The following CNTNAP2 variants were observed in gnomAD, a reference collection of about 807,000 sequenced individuals.
CNTNAP2 encodes the protein contactin-associated protein-like 2.
CNTNAP2 carries 98 observed loss-of-function variants against 155.2 expected under a neutral mutation model. The ratio of observed to expected loss-of-function variants is 0.63; its 90% confidence interval spans 0.54 to 0.75. CNTNAP2 has a LOEUF of 0.75. Ranked by LOEUF, CNTNAP2 falls within the 30% of genes least tolerant of loss-of-function variation. The probability of loss-of-function intolerance (pLI) is 0.00; values close to 1 mark genes in which losing one functional copy is unlikely to be tolerated. For synonymous variants in CNTNAP2, 651 were observed against 631.2 expected, an observed-to-expected ratio of 1.03 and a Z score of -0.47; for missense variants, 1,727 against 1,688.1, an observed-to-expected ratio of 1.02 and a Z score of -0.40.
At chr7:147,012,796 T>C (rs1309634290) in intron 3 of CNTNAP2, among the ~76,000 whole-genome samples, 9 of 152,044 alleles carry the variant, frequency 5.9e-5, no homozygotes, top group Non-Finnish European at 1.3e-4. Flanking sequence ...TTAGAAATAA[T>C]AAGAGCAGAG....
rs73740886 is a variant in CNTNAP2, at chr7:146,850,762, A to G, written c.402+10858A>G. Among the ~76,000 whole-genome samples the G allele has an allele frequency of 2.0e-5, 3 of 152,178 alleles. No individual in the cohort carries two copies. The East Asian group carries it at 5.8e-4, about 29-fold the overall frequency. ...TCACATTTCCTGTTTTAAGGAACAT[A>G]CCCGCAAAATAAAATACAAATAAAA... On this transcript the variant is annotated intron_variant, in intron 3 of 23. Transcript: ENST00000361727.
At chr7:146,224,862 G>T (rs117378717) in intron 1 of CNTNAP2, among the ~76,000 whole-genome samples, 1,749 of 152,250 alleles carry the variant, frequency 0.011, 19 homozygotes, top group Non-Finnish European at 0.018. Context: ...ATTAACAGAT[G>T]TGAAATAATT....
At chr7:146,478,207 A>G (rs971112978) in intron 1 of CNTNAP2, among the ~76,000 whole-genome samples, 1 of 152,170 alleles carries the variant, frequency 6.6e-6, no homozygotes, top group Non-Finnish European at 1.5e-5. Flanking sequence ...AGAGAAGAGT[A>G]CAGAATAAAT....
Position 147,133,784 on chromosome 7 carries a change from A to G in CNTNAP2, c.1348+1275A>G, listed in dbSNP as rs559935767. ...ATTCAAGGAAGCCACAAGAAATGTTATGTCAGAGATGTGCCTAAATTATTG... is the reference window on the plus strand; with the variant it reads ...ATTCAAGGAAGCCACAAGAAATGTTGTGTCAGAGATGTGCCTAAATTATTG... On this transcript the variant is annotated intron_variant, in intron 8 of 23. Transcript: ENST00000361727. Among the ~76,000 whole-genome samples, 16 of 152,208 alleles carry G rather than the reference A, an allele frequency of 1.1e-4. No individual in the cohort carries two copies. In the South Asian group the frequency reaches 3.3e-3, roughly 31 times the overall value.
At chr7:146,588,671 C>T (rs981298062) in intron 1 of CNTNAP2, among the ~76,000 whole-genome samples, 5 of 152,020 alleles carry the variant, frequency 3.3e-5, no homozygotes, top group Non-Finnish European at 7.4e-5. Context: ...CCACACCTGG[C>T]TATTTTTTAA....
chr7:147,025,549 C>T (rs1798902345), intron 3 of CNTNAP2, among the ~76,000 whole-genome samples: 2 of 149,136 alleles, frequency 1.3e-5, no homozygotes, highest in African/African-American at 5.0e-5. Context: ...GCAAAGAAAC[C>T]TCCCATATCA....
chr7:146,715,548 G>C (rs895312276), intron 1 of CNTNAP2, among the ~76,000 whole-genome samples: 7 of 152,008 alleles, frequency 4.6e-5, no homozygotes, highest in Non-Finnish European at 1.0e-4. Flanking sequence ...TTTGTATACA[G>C]TTTCAGCAGC....
At chr7:147,185,910 CTT>C (rs1272969828) in intron 8 of CNTNAP2, among the ~76,000 whole-genome samples, 1 of 152,122 alleles carries the variant, frequency 6.6e-6, no homozygotes, top group Non-Finnish European at 1.5e-5. Context: ...TGCACAAACT[CTT>C]TGTTTTTGTC....
intron 4 of CNTNAP2, among the ~76,000 whole-genome samples, chr7:147,068,995 C>G (rs767973602): frequency 6.6e-6 from 1 of 152,084 alleles, no homozygotes; most frequent in Non-Finnish European, 1.5e-5. Flanking sequence ...AACTTTTACT[C>G]GTGGCAGAAG....
At chr7:146,607,776 C>T (rs1267029173) in intron 1 of CNTNAP2, among the ~76,000 whole-genome samples, 2 of 152,090 alleles carry the variant, frequency 1.3e-5, no homozygotes, top group African/African-American at 4.8e-5. Context: ...CCGGGCCTGG[C>T]CTTCACCATC....
intron 1 of CNTNAP2, among the ~76,000 whole-genome samples, chr7:146,612,929 G>A (rs961850999): frequency 1.3e-5 from 1 of 74,194 alleles, no homozygotes. Context: ...TCTAACATCT[G>A]TCTTTTTTTT....
chr7:147,019,360 G>C (rs528159070), intron 3 of CNTNAP2, among the ~76,000 whole-genome samples: 208 of 151,988 alleles, frequency 1.4e-3, no homozygotes, highest in Non-Finnish European at 2.5e-3. Context: ...GTTAACTTAT[G>C]ATATACGACA....
At chr7:146,606,148 AATT>A (rs1336756088) in intron 1 of CNTNAP2, among the ~76,000 whole-genome samples, 1 of 152,160 alleles carries the variant, frequency 6.6e-6, no homozygotes, top group Non-Finnish European at 1.5e-5. Flanking sequence ...GTTTTGGCAT[AATT>A]ATTAATATAC....
chr7:147,611,142 T>C (rs1801177203), intron 12 of CNTNAP2, among the ~76,000 whole-genome samples: 1 of 152,088 alleles, frequency 6.6e-6, no homozygotes, highest in South Asian at 2.1e-4. Context: ...GAAGTATCCT[T>C]AAATAACAGG....
chr7:146,873,108 G>C (rs1419972977), intron 3 of CNTNAP2, among the ~76,000 whole-genome samples: 3 of 152,158 alleles, frequency 2.0e-5, no homozygotes, highest in African/African-American at 7.2e-5. Flanking sequence ...TTGGAGAATT[G>C]TTGATGTCTT....
intron 1 of CNTNAP2, among the ~76,000 whole-genome samples, chr7:146,671,251 A>ATGT (rs1279435611): frequency 6.6e-6 from 1 of 152,216 alleles, no homozygotes; most frequent in Non-Finnish European, 1.5e-5. Context: ...GAGGTTTCCC[A>ATGT]AGACCCATCA....
In CNTNAP2 at chr7:147,539,235, G is replaced by T. The variant is rs142878482; in HGVS notation, c.1778-22903G>T. 6.2e-3 allele frequency among the ~76,000 whole-genome samples: 939 copies of T among 152,098 alleles called. 7 individuals carry two copies. The highest frequency in any genetic ancestry group is 0.022 in the African/African-American group (901 of 41,484). Reference sequence around the variant, plus strand: ...AGTAATGGTCCTTGGGAAGATAATAGCTAGCATAATGAGACCTGGTACTTA... The same window carrying T: ...AGTAATGGTCCTTGGGAAGATAATATCTAGCATAATGAGACCTGGTACTTA... On this transcript the variant is annotated intron_variant, in intron 11 of 23. Coordinates refer to ENST00000361727, the MANE Select transcript of CNTNAP2 (RefSeq NM_014141.6).
rs145170593 is a variant in CNTNAP2, at chr7:146,419,162, G to A, written c.97+302189G>A. On this transcript the variant is annotated intron_variant, in intron 1 of 23. Coordinates refer to ENST00000361727, the MANE Select transcript of CNTNAP2 (RefSeq NM_014141.6). ...GAAGGCCTCACAATCATGGTAGAAG[G>A]TGAAAGTCACATCTTACATGCCAGC... Among the ~76,000 whole-genome samples, 399 of 152,206 alleles carry A rather than the reference G, an allele frequency of 2.6e-3. 1 individual carries two copies. Among genetic ancestry groups the A allele is most frequent in the African/African-American group, 9.1e-3 (379 of 41,524 alleles).
chr7:146,468,258 G>A (rs1796744124), intron 1 of CNTNAP2, among the ~76,000 whole-genome samples: 2 of 152,062 alleles, frequency 1.3e-5, no homozygotes, highest in South Asian at 4.1e-4. Flanking sequence ...ACATAAAGAT[G>A]GAGACAATAA....
Sources: allele counts gnomAD v4.1 joint callset (sites outside exome capture counted in the v4.1 genomes callset), GRCh38; gene constraint gnomAD v4.1.1; transcripts MANE v1.5; gene names NCBI Gene and HGNC (gene_info 2026-07-23, HGNC 2026-07-21).